Variants in MXRA5 observed in about 807,000 individuals in gnomAD.
MXRA5 encodes matrix remodeling associated 5, also known as matrix-remodeling-associated protein 5.
Under a neutral mutation model 112.5 loss-of-function variants are expected in MXRA5, and 41 were observed. That is an observed-to-expected ratio of 0.36 (90% CI 0.28 to 0.47). The LOEUF (loss-of-function observed/expected upper bound fraction) is 0.47, where lower values mean the gene tolerates loss of function less well. MXRA5 is among the 20% of genes least tolerant of loss of function. The pLI, the probability that MXRA5 is intolerant of heterozygous loss-of-function variation, is 0.99. For missense variants in MXRA5, 2,150 were observed against 2,251.0 expected, an observed-to-expected ratio of 0.96 and a Z score of 0.91; for synonymous variants, 862 against 900.8, an observed-to-expected ratio of 0.96 and a Z score of 0.77.
intron 2 of MXRA5, 137 bp downstream of exon 2, chrX:3,343,509 C>T: frequency 3.3e-6 from 2 of 612,246 alleles, no homozygotes; most frequent in Non-Finnish European, 4.9e-6. Flanking sequence ...TGCCCATCTG[C>T]AGCTCCATAA....
chrX:3,329,697 C>T (rs1443602191), intron 4 of MXRA5, among the ~76,000 whole-genome samples: 1 of 111,656 alleles, frequency 9.0e-6, no homozygotes, highest in Non-Finnish European at 1.9e-5. Context: ...CCCAGTTTCC[C>T]ACATTAAGCT....
intron 2 of MXRA5, among the ~76,000 whole-genome samples, chrX:3,334,609 C>T (rs996073438): frequency 9.0e-6 from 1 of 111,435 alleles, no homozygotes; most frequent in Non-Finnish European, 1.9e-5. Flanking sequence ...TGTAGTTAGG[C>T]AGGGGAATAA....
rs1282116736 is a variant in MXRA5 at position 3,309,585 on chromosome X, C to T, written c.*131G>A. 3 of 534,704 alleles carry T rather than the reference C, an allele frequency of 5.6e-6. No homozygotes were observed. The African/African-American group carries it at 7.1e-5, about 13-fold the overall frequency. 44.1% of individuals were successfully genotyped at this position (534,704 alleles called of 1,213,427 possible). On this transcript the variant is annotated 3_prime_UTR_variant, in exon 7 of 7. Coordinates refer to ENST00000217939, the MANE Select transcript of MXRA5 (RefSeq NM_015419.4). ...AACAATTGTAGATCAAGATCAACCTCAACTTGAAACCCACCAGAGGCCACC... is the reference window on the plus strand; with the variant it reads ...AACAATTGTAGATCAAGATCAACCTTAACTTGAAACCCACCAGAGGCCACC...
Position 3,321,581 on chromosome X carries a change from T to G in MXRA5, c.4104A>C (p.Glu1368Asp), listed in dbSNP as rs1921306929. 1 of 1,210,439 alleles carries G rather than the reference T, an allele frequency of 8.3e-7. No individual in the cohort carries two copies. Among genetic ancestry groups the G allele is most frequent in the South Asian group, 1.8e-5 (1 of 56,834 alleles). The change falls in exon 5 of 7, where the codon GAA becomes GAC. Residue 1368 changes from glutamate to aspartate, a missense_variant. Coordinates refer to ENST00000217939, the MANE Select transcript of MXRA5 (RefSeq NM_015419.4). ...TTCCTGGAAAGCCTACAGGAGAGGA[T>G]TCTTCCTTAAATTCTCCCATAGTGG... Reference protein sequence around the residue: ...LVSTMGEFKEESSPVGFPGTP... With the variant: ...LVSTMGEFKEDSSPVGFPGTP...
chrX:3,319,785 G>T (rs758499834), intron 5 of MXRA5, among the ~76,000 whole-genome samples: 1 of 111,372 alleles, frequency 9.0e-6, no homozygotes, highest in East Asian at 2.8e-4. Flanking sequence ...ATATACCCGT[G>T]TGACAAGCCT....
At position 3,323,825 on chromosome X, in the gene MXRA5, A is replaced by G. The variant is rs1191327336; in HGVS notation, c.1860T>C (p.Asn620=). 2.5e-6 allele frequency: 3 copies of G among 1,209,957 alleles called. No individual in the cohort carries two copies. The highest frequency in any genetic ancestry group is 3.4e-6 in the Non-Finnish European group (3 of 895,090). Residue 620 remains asparagine, a synonymous_variant, in exon 5 of 7, where the codon AAT becomes AAC. Coordinates refer to ENST00000217939, the MANE Select transcript of MXRA5 (RefSeq NM_015419.4). ...SWILPNRRII[N]DLANTSHVYM... is the part of the protein sequence containing the mutation. Reference sequence around the variant, plus strand: ...ATACATGTGATGTGTTAGCCAAATCATTAATTATCCTTCTGTTTGGAAGAA... The same window carrying G: ...ATACATGTGATGTGTTAGCCAAATCGTTAATTATCCTTCTGTTTGGAAGAA...
At chrX:3,313,771 A>G (rs749117886) in intron 6 of MXRA5, among the ~76,000 whole-genome samples, 3 of 112,344 alleles carry the variant, frequency 2.7e-5, no homozygotes, top group Admixed American at 9.4e-5. Context: ...ACTGTTATCC[A>G]TTCAAAATTG....
In MXRA5 at chrX:3,318,007, G is replaced by C; in HGVS notation, c.5678-4C>G. Reference sequence around the variant, plus strand: ...GTATTCGGAGTCATAAGAGCTCCTGGAGAAAATTAACACAGTCAGCTTTGG... The same window carrying C: ...GTATTCGGAGTCATAAGAGCTCCTGCAGAAAATTAACACAGTCAGCTTTGG... On this transcript the variant is annotated splice_region_variant and splice_polypyrimidine_tract_variant and intron_variant, in intron 5 of 6. Coordinates refer to ENST00000217939, the MANE Select transcript of MXRA5 (RefSeq NM_015419.4). 1 of 1,182,752 alleles carries C rather than the reference G, an allele frequency of 8.5e-7. No homozygotes were observed. The highest frequency in any genetic ancestry group is 1.1e-6 in the Non-Finnish European group (1 of 878,692).
At position 3,320,243 on chromosome X, in the gene MXRA5, A is replaced by G; in HGVS notation, c.5442T>C (p.Ser1814=). The G allele has an allele frequency of 8.3e-7, 1 of 1,210,649 alleles. No individual in the cohort carries two copies. Among genetic ancestry groups the G allele is most frequent in the Middle Eastern group, 2.3e-4 (1 of 4,267 alleles). ...QNIPMVSSTQ[S]SISFITSSVQ... is the part of the protein sequence containing the mutation. The stretch of plus-strand genomic sequence containing the variant: ...CAGAAGATGTTATAAAGGAGATAGA[A>G]CTCTGGGTGGAAGAGACCATAGGGA... The change falls in exon 5 of 7, where the codon AGT becomes AGC. Residue 1814 remains serine (S), a synonymous_variant. Coordinates refer to ENST00000217939, the MANE Select transcript of MXRA5 (RefSeq NM_015419.4).
At position 3,311,619 on chromosome X, in the gene MXRA5, T is replaced by C. The variant is rs1920991956; in HGVS notation, c.6584A>G (p.Asp2195Gly). 2 of 1,203,895 alleles carry C rather than the reference T, an allele frequency of 1.7e-6. No homozygotes were observed. Among genetic ancestry groups the C allele is most frequent in the Admixed American group, 2.2e-5 (1 of 45,936 alleles). The change falls in exon 7 of 7, where the codon GAT becomes GGT. Residue 2195 changes from aspartate to glycine, a missense_variant. Coordinates refer to ENST00000217939, the MANE Select transcript of MXRA5 (RefSeq NM_015419.4). ...ATTGGCAAACACCTTGATTCTGCTA[T>C]CAAAACTACAGAAAAAAAGAAAAAG... is the stretch of plus-strand genomic sequence containing the variant. ...KRMIDALFSF[D>G]SRIKVFANGT...
intron 2 of MXRA5, among the ~76,000 whole-genome samples, chrX:3,340,562 C>T (rs757202356): frequency 3.6e-5 from 4 of 110,867 alleles, no homozygotes; most frequent in Non-Finnish European, 7.5e-5. Context: ...AAAACTATCT[C>T]TAGATATTAC....
chrX:3,326,242 T>C (rs1175492979), intron 4 of MXRA5, among the ~76,000 whole-genome samples: 2 of 2,447 alleles, frequency 8.2e-4, no homozygotes, highest in Non-Finnish European at 2.9e-3. Flanking sequence ...ATATAGTCAA[T>C]ATGTATGTAT....
At chrX:3,334,729 G>A (rs1014000260) in intron 2 of MXRA5, among the ~76,000 whole-genome samples, 5 of 111,663 alleles carry the variant, frequency 4.5e-5, no homozygotes, top group Non-Finnish European at 7.5e-5. Flanking sequence ...CATAATATTC[G>A]TAAACATGTC....
At chrX:3,318,313 A>T (rs1016289090) in intron 5 of MXRA5, among the ~76,000 whole-genome samples, 1 of 110,448 alleles carries the variant, frequency 9.1e-6, no homozygotes, top group Non-Finnish European at 1.9e-5. Flanking sequence ...TGGATAATTT[A>T]AATTTTTGTT....
chrX:3,317,955 T>C lies in MXRA5; in HGVS notation c.5726A>G (p.Lys1909Arg). 1 of 1,209,329 alleles carries C rather than the reference T, an allele frequency of 8.3e-7. No individual in the cohort carries two copies. The highest frequency in any genetic ancestry group is 1.1e-6 in the Non-Finnish European group (1 of 894,367). Residue 1909 changes from lysine (K) to arginine (R), a missense_variant, in exon 6 of 7, where the codon AAG becomes AGG. Lys to Arg is a conservative substitution (Grantham distance 26). Coordinates refer to ENST00000217939, the MANE Select transcript of MXRA5 (RefSeq NM_015419.4). ...CTTCCGTATCACTAAGGTACCGTTC[T>C]TGAGAACCTCAAACCGTTGTATCCT... Reference protein sequence around the residue: ...NTRIQRFEVLKNGTLVIRKVQ... With the variant: ...NTRIQRFEVLRNGTLVIRKVQ...
rs751162930 is a variant in MXRA5, at chrX:3,311,052, G to T, written c.7151C>A (p.Thr2384Asn). ...AGAGGAGGTGGGGATCACCTTGTTG[G>T]TTGGGGACAACCAAGTCACCTTGGG... ...PMPKVTWLSP[T>N]NKVIPTSSEK... is the part of the protein sequence containing the mutation. The change falls in exon 7 of 7, where the codon ACC becomes AAC. Residue 2384 changes from threonine to asparagine, a missense_variant. This residue lies in a region of MXRA5 where 1,485 missense variants were observed against 1,471.6 expected (regional missense o/e 1.01). Coordinates refer to ENST00000217939, the MANE Select transcript of MXRA5 (RefSeq NM_015419.4). 76 of 1,209,464 alleles carry T rather than the reference G, an allele frequency of 6.3e-5. No homozygotes were observed. Among genetic ancestry groups the T allele is most frequent in the Non-Finnish European group, 8.3e-5 (74 of 895,169 alleles).
chrX:3,312,359 G>A (rs1236250515), intron 6 of MXRA5, among the ~76,000 whole-genome samples: 8 of 112,001 alleles, frequency 7.1e-5, no homozygotes, highest in Non-Finnish European at 1.1e-4. Context: ...AGGCAAACTA[G>A]AAAGGATGAT....
intron 4 of MXRA5, among the ~76,000 whole-genome samples, chrX:3,327,697 T>C (rs1921545478): frequency 8.9e-6 from 1 of 112,736 alleles, no homozygotes; most frequent in South Asian, 3.6e-4. Flanking sequence ...CCACATTTGG[T>C]GTGACTTCTG....
rs181290106 is a variant in MXRA5 at position 3,321,688 on chromosome X, T to C, written c.3997A>G (p.Asn1333Asp). The change falls in exon 5 of 7, where the codon AAT (asparagine) becomes GAT (aspartate). Residue 1333 changes from asparagine to aspartate, a missense_variant. By Grantham distance (23) the Asn-to-Asp change is conservative. Coordinates refer to ENST00000217939, the MANE Select transcript of MXRA5 (RefSeq NM_015419.4). Reference protein sequence around the residue: ...GKEIKDDVATNVDKHKSDILV... With the variant: ...GKEIKDDVATDVDKHKSDILV... ...ATGTCACTTTTATGTTTGTCAACAT[T>C]TGTGGCAACATCATCCTTAATTTCT... 5.8e-6 allele frequency: 7 copies of C among 1,208,664 alleles called. No homozygotes were observed. The highest frequency in any genetic ancestry group is 7.8e-6 in the Non-Finnish European group (7 of 893,850).
Sources: allele counts gnomAD v4.1 joint callset (sites outside exome capture counted in the v4.1 genomes callset), GRCh38; gene constraint gnomAD v4.1.1; regional missense constraint gnomAD v4.1.1; transcripts MANE v1.5; gene names NCBI Gene and HGNC (gene_info 2026-07-23, HGNC 2026-07-21).